Variants in KCNK1 observed in about 807,000 individuals in gnomAD.
KCNK1 encodes the protein potassium channel subfamily K member 1.
Under a neutral mutation model 22.2 loss-of-function variants are expected in KCNK1, and 10 were observed. The ratio of observed to expected loss-of-function variants is 0.45; its 90% CI spans 0.28 to 0.76. The LOEUF is 0.76. Among genes scored for constraint, KCNK1 ranks in the 30% least tolerant of loss-of-function variants. The pLI is 0.14. For missense variants in KCNK1, 378 were observed against 421.0 expected (o/e 0.90, Z 0.89); for synonymous variants, 200 against 186.4 (o/e 1.07, Z -0.60).
chr1:233,619,411 A>G (rs986303079), intron 1 of KCNK1, among the ~76,000 whole-genome samples: 1 of 152,160 alleles, frequency 6.6e-6, no homozygotes, highest in African/African-American at 2.4e-5. Flanking sequence ...CTCTAGTTAA[A>G]GTGTTCAGTA....
intron 2 of KCNK1, among the ~76,000 whole-genome samples, chr1:233,669,580 G>A (rs1215421280): frequency 1.3e-5 from 2 of 152,154 alleles, no homozygotes; most frequent in African/African-American, 4.8e-5. Context: ...GGGCACGGTG[G>A]CTCATGCCTG....
rs1658600966 is a variant in KCNK1 at position 233,671,657 on chromosome 1, C to T, written c.*127C>T. ...CACTTTAAGAAATAGCTACTGTTTG[C>T]AATGTCTTATTAAAAAACAACAAAA... On this transcript the variant is annotated 3_prime_UTR_variant, in exon 3 of 3. Coordinates refer to ENST00000366621, the MANE Select transcript of KCNK1 (RefSeq NM_002245.4). The T allele has an allele frequency of 2.7e-6, 3 of 1,091,066 alleles. No homozygotes were observed. The highest frequency in any genetic ancestry group is 3.3e-5 in the South Asian group (2 of 61,462). 67.6% of individuals were successfully genotyped at this position (1,091,066 alleles called of 1,614,324 possible).
At chr1:233,640,691 T>G (rs1657985676) in intron 1 of KCNK1, among the ~76,000 whole-genome samples, 1 of 152,086 alleles carries the variant, frequency 6.6e-6, no homozygotes, top group African/African-American at 2.4e-5. Flanking sequence ...GCTCTTGTGC[T>G]ATGGTTCTGC....
At chr1:233,624,061 G>A (rs992304949) in intron 1 of KCNK1, 4 of 153,304 alleles carry the variant, frequency 2.6e-5, no homozygotes, top group African/African-American at 4.8e-5. Context: ...AGTTGTTTAC[G>A]GTCATCTCTT....
At chr1:233,654,472 T>C (rs563331787) in intron 1 of KCNK1, among the ~76,000 whole-genome samples, 1 of 152,340 alleles carries the variant, frequency 6.6e-6, no homozygotes, top group East Asian at 1.9e-4. Context: ...TAAGGAAATT[T>C]CTAGGCAAAG....
intron 1 of KCNK1, among the ~76,000 whole-genome samples, chr1:233,646,127 C>T (rs1658089671): frequency 6.6e-6 from 1 of 152,090 alleles, no homozygotes; most frequent in African/African-American, 2.4e-5. Context: ...GCCTACGTCA[C>T]ATTCAAGGTG....
intron 1 of KCNK1, among the ~76,000 whole-genome samples, chr1:233,662,293 CTCT>C (rs778173214): frequency 3.1e-4 from 46 of 149,798 alleles, no homozygotes; most frequent in East Asian, 9.9e-4. Context: ...CCTCCTCTTC[CTCT>C]TCTTCTTCTT....
intron 1 of KCNK1, among the ~76,000 whole-genome samples, chr1:233,646,735 G>A (rs1479261550): frequency 6.6e-6 from 1 of 152,142 alleles, no homozygotes; most frequent in Non-Finnish European, 1.5e-5. Context: ...TGAGAATGTG[G>A]CATGTGTGAA....
At chr1:233,647,501 G>A (rs528531707) in intron 1 of KCNK1, among the ~76,000 whole-genome samples, 1 of 152,246 alleles carries the variant, frequency 6.6e-6, no homozygotes, top group East Asian at 1.9e-4. Flanking sequence ...GCTGTGGATT[G>A]GAGAGTTTCT....
intron 1 of KCNK1, among the ~76,000 whole-genome samples, chr1:233,651,122 G>A (rs1047737473): frequency 6.6e-6 from 1 of 152,136 alleles, no homozygotes; most frequent in East Asian, 1.9e-4. Context: ...TCAAGTAAAC[G>A]GTGCGTCTTC....
At chr1:233,623,295 G>A (rs187365337) in intron 1 of KCNK1, among the ~76,000 whole-genome samples, 1 of 152,162 alleles carries the variant, frequency 6.6e-6, no homozygotes, top group Non-Finnish European at 1.5e-5. Flanking sequence ...GTACGGGGAG[G>A]GGGGATGGGG....
intron 1 of KCNK1, among the ~76,000 whole-genome samples, chr1:233,639,632 C>G (rs1657969379): frequency 6.6e-6 from 1 of 152,150 alleles, no homozygotes; most frequent in Admixed American, 6.5e-5. Flanking sequence ...GATTCTCTTT[C>G]TTGTTAATAT....
chr1:233,664,890 A>G (rs1030115878), intron 1 of KCNK1, among the ~76,000 whole-genome samples: 2 of 147,694 alleles, frequency 1.4e-5, no homozygotes, highest in African/African-American at 4.9e-5. Flanking sequence ...TCAGAATCCA[A>G]TTTCATTTAA....
chr1:233,641,402 C>T (rs1181207048), intron 1 of KCNK1, among the ~76,000 whole-genome samples: 2 of 152,136 alleles, frequency 1.3e-5, no homozygotes, highest in African/African-American at 4.8e-5. Flanking sequence ...TCAAGCAGCT[C>T]GTATCTTAGA....
intron 1 of KCNK1, among the ~76,000 whole-genome samples, chr1:233,614,757 C>T (rs1228244362): frequency 6.6e-6 from 1 of 152,166 alleles, no homozygotes; most frequent in Admixed American, 6.5e-5. Flanking sequence ...CCTGCGGAGC[C>T]GGAAGCCAGA....
chr1:233,671,639 A>G lies in KCNK1; in HGVS notation c.*109A>G. 8.0e-7 allele frequency: 1 copy of G among 1,256,660 alleles called. No individual in the cohort carries two copies. Among genetic ancestry groups the G allele is most frequent in the Non-Finnish European group, 1.1e-6 (1 of 898,116 alleles). The allele number at this position is 1,256,660 out of a possible 1,614,324, so 77.8% of individuals were successfully genotyped here. A position where few individuals can be genotyped will look rare whatever the true frequency, so the allele number is the denominator to read the frequency against. On this transcript the variant is annotated 3_prime_UTR_variant, in exon 3 of 3. Transcript: ENST00000366621. ...CAAAAGCGAAAATTATGTCACTTTA[A>G]GAAATAGCTACTGTTTGCAATGTCT...
chr1:233,623,619 C>T (rs1286842688), intron 1 of KCNK1, among the ~76,000 whole-genome samples: 3 of 152,190 alleles, frequency 2.0e-5, no homozygotes, highest in Non-Finnish European at 2.9e-5. Flanking sequence ...GACGGAGTCT[C>T]GCTCTGTCAC....
chr1:233,666,778 C>A lies in KCNK1; in HGVS notation c.539C>A (p.Ala180Asp). Reference protein sequence around the residue: ...IRWGFSKQVVAIVHAVLLGFV... With the variant: ...IRWGFSKQVVDIVHAVLLGFV... ...TGGGGCTTCTCCAAGCAGGTGGTGG[C>A]CATCGTCCATGCCGTGCTCCTTGGG... is the stretch of plus-strand genomic sequence containing the variant. Residue 180 changes from alanine (A) to aspartate (D), a missense_variant, in exon 2 of 3, where the codon GCC (alanine) becomes GAC (aspartate). Ala to Asp is a moderately radical substitution (Grantham distance 126). Coordinates refer to ENST00000366621, the MANE Select transcript of KCNK1 (RefSeq NM_002245.4). The A allele has an allele frequency of 6.2e-7, 1 of 1,614,194 alleles. No homozygotes were observed. Among genetic ancestry groups the A allele is most frequent in the Non-Finnish European group, 8.5e-7 (1 of 1,180,046 alleles).
chr1:233,638,306 A>G (rs986768408), intron 1 of KCNK1, among the ~76,000 whole-genome samples: 1 of 152,270 alleles, frequency 6.6e-6, no homozygotes, highest in East Asian at 1.9e-4. Flanking sequence ...TTTATCAGGA[A>G]AAAAATAATT....
Sources: gnomAD v4.1 joint callset for allele counts (sites outside exome capture counted in the v4.1 genomes callset) on GRCh38, gnomAD v4.1.1 for gene constraint, MANE v1.5 for transcripts, NCBI Gene and HGNC (gene_info 2026-07-23, HGNC 2026-07-21) for gene names.